Variants in PLCH1 observed in about 807,000 individuals in gnomAD.
PLCH1 encodes the protein 1-phosphatidylinositol 4,5-bisphosphate phosphodiesterase eta-1.
PLCH1 carries 60 observed loss-of-function variants against 126.7 expected under a neutral mutation model. That is an observed-to-expected ratio of 0.47 (90% CI 0.38 to 0.59). The LOEUF (loss-of-function observed/expected upper bound fraction) is 0.59, where lower values mean the gene tolerates loss of function less well. Ranked by LOEUF, PLCH1 falls within the 20% of genes least tolerant of loss-of-function variation. The pLI is 0.00. For synonymous variants in PLCH1, 719 were observed against 734.9 expected, an observed-to-expected ratio of 0.98 and a Z score of 0.35; for missense variants, 1,723 against 2,040.0, an observed-to-expected ratio of 0.84 and a Z score of 2.99.
chr3:155,483,350 T>C, intron 22 of PLCH1: 1 of 1,540,816 alleles, frequency 6.5e-7, no homozygotes, highest in Non-Finnish European at 8.8e-7. Context: ...GAGGATTACC[T>C]TAAGTTGTTT....
At chr3:155,607,393 G>A (rs1734499794) in intron 2 of PLCH1, among the ~76,000 whole-genome samples, 2 of 151,906 alleles carry the variant, frequency 1.3e-5, no homozygotes, top group Non-Finnish European at 2.9e-5. Flanking sequence ...AAAAAAACAT[G>A]AATGCATTTT....
chr3:155,494,470 C>T lies in PLCH1; in HGVS notation c.1942G>A (p.Val648Ile). The change falls in exon 16 of 23, where the codon GTT (valine) becomes ATT (isoleucine). Residue 648 changes from valine (V) to isoleucine (I), a missense_variant. By Grantham distance (29) the Val-to-Ile change is conservative (BLOSUM62 3). Coordinates refer to ENST00000460012, the MANE Select transcript of PLCH1 (RefSeq NM_014996.4). ...AACTGCTCTGATTTTTGCTGAACAA[C>T]CTGATGTGCTCTTGTTTCACTGAAT... ...LSFSETRAHQ[V>I]VQQKSEQFMI... 6.2e-7 allele frequency: 1 copy of T among 1,614,082 alleles called. No homozygotes were observed. Among genetic ancestry groups the T allele is most frequent in the Non-Finnish European group, 8.5e-7 (1 of 1,179,956 alleles).
At chr3:155,680,873 G>A (rs1744459146) in intron 2 of PLCH1, among the ~76,000 whole-genome samples, 1 of 152,134 alleles carries the variant, frequency 6.6e-6, no homozygotes, top group South Asian at 2.1e-4. Context: ...TTGGAATACT[G>A]TCTAACCATT....
chr3:155,567,858 A>G (rs1728716458), intron 7 of PLCH1, among the ~76,000 whole-genome samples: 1 of 152,184 alleles, frequency 6.6e-6, no homozygotes, highest in Non-Finnish European at 1.5e-5. Flanking sequence ...TAAAGGAAAC[A>G]TGGCAAGTCA....
At chr3:155,454,186 C>T (rs1461848515) in intron 21 of PLCH1, among the ~76,000 whole-genome samples, 2 of 152,104 alleles carry the variant, frequency 1.3e-5, no homozygotes, top group Non-Finnish European at 2.9e-5. Context: ...CTGATGTACA[C>T]AGAAGCCAAT....
At position 155,482,673 on chromosome 3, in the gene PLCH1, C is replaced by G. The variant is rs1714354984; in HGVS notation, c.3353G>C (p.Ser1118Thr). The G allele has an allele frequency of 6.2e-7, 1 of 1,614,208 alleles. No individual in the cohort carries two copies. Among genetic ancestry groups the G allele is most frequent in the African/African-American group, 1.3e-5 (1 of 75,056 alleles). ...FVEGKSILSG[S>T]VLSHSNLEIK... ...TTCTAGGTTGCTATGAGAAAGGACG[C>G]TTCCTGACAAGATGCTTTTCCCTTC... Residue 1118 changes from serine to threonine, a missense_variant, in exon 23 of 23, where the codon AGC (serine) becomes ACC (threonine). Physicochemically the swap from Ser to Thr is moderately conservative, Grantham distance 58 (BLOSUM62 1). Coordinates refer to ENST00000460012, the MANE Select transcript of PLCH1 (RefSeq NM_014996.4).
intron 21 of PLCH1, among the ~76,000 whole-genome samples, chr3:155,464,896 G>A (rs1576763197): frequency 6.6e-6 from 1 of 152,162 alleles, no homozygotes; most frequent in East Asian, 1.9e-4. Flanking sequence ...GGATCACAAG[G>A]TCAGGAGATC....
chr3:155,460,627 C>T (rs1311734384), intron 21 of PLCH1, among the ~76,000 whole-genome samples: 1 of 152,056 alleles, frequency 6.6e-6, no homozygotes, highest in African/African-American at 2.4e-5. Context: ...ATATCTCCTC[C>T]CAAGATGAAC....
At chr3:155,504,470 C>T in intron 13 of PLCH1, 85 bp downstream of exon 13, 1 of 730,782 alleles carries the variant, frequency 1.4e-6, no homozygotes, top group South Asian at 1.8e-5. Context: ...TTCAGTTATT[C>T]CAAGGTCATG....
intron 2 of PLCH1, among the ~76,000 whole-genome samples, chr3:155,609,855 A>C (rs978685908): frequency 3.3e-5 from 5 of 152,070 alleles, no homozygotes; most frequent in African/African-American, 1.2e-4. Flanking sequence ...AGGAAAAAAG[A>C]ATTTTAAAAA....
At position 155,684,571 on chromosome 3, in the gene PLCH1, A is replaced by C. The variant is rs564213536; in HGVS notation, c.79+19575T>G. Among the ~76,000 whole-genome samples, 3 of 152,240 alleles carry C rather than the reference A, an allele frequency of 2.0e-5. No individual in the cohort carries two copies. In the South Asian group the frequency reaches 6.2e-4, roughly 32 times the overall value. ...TGAAAATCTAACCCTGTAATGTCTG[A>C]GGAAGACATTTTATTAAAAAAAAAG... On this transcript the variant is annotated intron_variant, in intron 2 of 22. Transcript: ENST00000460012.
At chr3:155,502,929 A>G (rs1352508532) in intron 13 of PLCH1, among the ~76,000 whole-genome samples, 1 of 152,222 alleles carries the variant, frequency 6.6e-6, no homozygotes, top group East Asian at 1.9e-4. Context: ...GAAATTCTAA[A>G]TATGACATTC....
At chr3:155,609,466 G>T (rs73156504) in intron 2 of PLCH1, among the ~76,000 whole-genome samples, 8,092 of 152,096 alleles carry the variant, frequency 0.053, 261 homozygotes, top group Middle Eastern at 0.1. Flanking sequence ...AGTAATTCTG[G>T]TACTATGACA....
At chr3:155,648,830 A>T (rs1740349688) in intron 2 of PLCH1, among the ~76,000 whole-genome samples, 1 of 152,208 alleles carries the variant, frequency 6.6e-6, no homozygotes, top group South Asian at 2.1e-4. Context: ...GTGGCTGATA[A>T]TCTGAGCTCT....
At chr3:155,538,549 A>G (rs771445988) in intron 10 of PLCH1, among the ~76,000 whole-genome samples, 2 of 152,222 alleles carry the variant, frequency 1.3e-5, no homozygotes, top group Non-Finnish European at 2.9e-5. Context: ...AAGCTCAATT[A>G]GAAACAAAAT....
chr3:155,536,030 G>GA lies in PLCH1; in HGVS notation c.1363-12027dup, dbSNP rs545327127. On this transcript the variant is annotated intron_variant, in intron 10 of 22. Coordinates refer to ENST00000460012, the MANE Select transcript of PLCH1 (RefSeq NM_014996.4). ...GCAGATATTCCTGAGTACCAGGCTG[G>GA]AGCCTGGTAGCCCCACTGGGTGGCT... Among the ~76,000 whole-genome samples, 125 of 152,284 alleles carry GA rather than the reference G, an allele frequency of 8.2e-4. 5 individuals are homozygous for GA. The South Asian group carries it at 0.026, about 31-fold the overall frequency.
rs147280717 is a variant in PLCH1 at position 155,541,106 on chromosome 3, G to A, written c.1362+8681C>T. ...ATTTGCAGCAACCTAGATGGAACTGGAGACCATTATTCTAAGTGAAGTAAC... is the reference window on the plus strand; with the variant it reads ...ATTTGCAGCAACCTAGATGGAACTGAAGACCATTATTCTAAGTGAAGTAAC... On this transcript the variant is annotated intron_variant, in intron 10 of 22. Coordinates refer to ENST00000460012, the MANE Select transcript of PLCH1 (RefSeq NM_014996.4). Among the ~76,000 whole-genome samples, 584 of 152,272 alleles carry A rather than the reference G, an allele frequency of 3.8e-3. 5 individuals carry two copies. Among genetic ancestry groups the A allele is most frequent in the Middle Eastern group, 0.014 (4 of 294 alleles).
At chr3:155,663,841 G>A (rs1057254082) in intron 2 of PLCH1, among the ~76,000 whole-genome samples, 1 of 152,064 alleles carries the variant, frequency 6.6e-6, no homozygotes, top group African/African-American at 2.4e-5. Flanking sequence ...ATCATTAGAG[G>A]AAAAGCATTA....
chr3:155,500,705 G>A lies in PLCH1; in HGVS notation c.1794C>T (p.Tyr598=). 6.3e-7 allele frequency: 1 copy of A among 1,598,454 alleles called. No homozygotes were observed. Among genetic ancestry groups the A allele is most frequent in the Admixed American group, 1.7e-5 (1 of 59,956 alleles). Reference sequence around the variant, plus strand: ...GAAACATGGAGATGCTTTCTTACCTGTACAGCTGGCCACCCTCCTTGCCAG... The same window carrying A: ...GAAACATGGAGATGCTTTCTTACCTATACAGCTGGCCACCCTCCTTGCCAG... ...QSTGKEGGQL[Y]RLGRRRKTMK... The change falls in exon 14 of 23, where the codon TAC becomes TAT. Residue 598 remains tyrosine (Y), a splice_region_variant and synonymous_variant. Coordinates refer to ENST00000460012, the MANE Select transcript of PLCH1 (RefSeq NM_014996.4).
Sources: allele counts gnomAD v4.1 joint callset (sites outside exome capture counted in the v4.1 genomes callset), GRCh38; gene constraint gnomAD v4.1.1; transcripts MANE v1.5; gene names NCBI Gene and HGNC (gene_info 2026-07-23, HGNC 2026-07-21).